STPG2: variants seen among roughly 807,000 people sequenced by gnomAD.
STPG2 encodes the protein sperm tail PG-rich repeat containing 2.
Under a neutral mutation model 54.2 loss-of-function variants are expected in STPG2, and 56 were observed. The ratio of observed to expected loss-of-function variants is 1.03; its 90% CI spans 0.83 to 1.29. STPG2 has a LOEUF of 1.29. STPG2 is among the 50% of genes most tolerant of loss of function. The probability of loss-of-function intolerance (pLI) is 0.00; values close to 1 mark genes in which losing one functional copy is unlikely to be tolerated. For missense variants in STPG2, 596 were observed against 544.9 expected, an observed-to-expected ratio of 1.09 and a Z score of -0.93; for synonymous variants, 200 against 181.8, an observed-to-expected ratio of 1.10 and a Z score of -0.81.
At chr4:98,066,897 T>C (rs1315532013) in intron 5 of STPG2, among the ~76,000 whole-genome samples, 2 of 152,234 alleles carry the variant, frequency 1.3e-5, no homozygotes, top group Non-Finnish European at 2.9e-5. Flanking sequence ...ATATCAGTTA[T>C]GGTTCTTTTT....
intron 10 of STPG2, among the ~76,000 whole-genome samples, chr4:97,613,802 T>G (rs1350055934): frequency 6.6e-6 from 1 of 151,998 alleles, no homozygotes; most frequent in African/African-American, 2.4e-5. Flanking sequence ...CCTTTTGAGG[T>G]TTTTTTCTAC....
intron 8 of STPG2, among the ~76,000 whole-genome samples, chr4:97,871,296 G>A (rs891434843): frequency 6.6e-6 from 1 of 150,914 alleles, no homozygotes; most frequent in Non-Finnish European, 1.5e-5. Context: ...AAAAGGGCAG[G>A]AATTTTGAAG....
intron 8 of STPG2, among the ~76,000 whole-genome samples, chr4:97,911,719 C>T (rs866502575): frequency 6.6e-6 from 1 of 152,154 alleles, no homozygotes; most frequent in Non-Finnish European, 1.5e-5. Flanking sequence ...TGGGGAGAAG[C>T]GACAAAGGTC....
intron 10 of STPG2, among the ~76,000 whole-genome samples, chr4:97,583,790 T>C (rs1209477051): frequency 2.0e-5 from 3 of 151,896 alleles, no homozygotes; most frequent in Non-Finnish European, 4.4e-5. Context: ...AGAAACATCA[T>C]ACAATGATAA....
At chr4:98,068,108 T>A (rs1244011312) in intron 5 of STPG2, among the ~76,000 whole-genome samples, 1 of 152,120 alleles carries the variant, frequency 6.6e-6, no homozygotes, top group Non-Finnish European at 1.5e-5. Context: ...TCAAGTAACA[T>A]CCAGGCTGTG....
chr4:97,868,739 A>G (rs1405245970), intron 8 of STPG2, among the ~76,000 whole-genome samples: 2 of 151,832 alleles, frequency 1.3e-5, no homozygotes, highest in Non-Finnish European at 2.9e-5. Flanking sequence ...GTTAGAATGT[A>G]TATCTGAGAT....
chr4:97,878,720 ATGCCC>A (rs1233334779), intron 8 of STPG2, among the ~76,000 whole-genome samples: 2 of 152,216 alleles, frequency 1.3e-5, no homozygotes, highest in Non-Finnish European at 2.9e-5. Flanking sequence ...GACCTCTGAC[ATGCCC>A]TGAAGACATT....
chr4:97,554,260 C>T (rs116281049), downstream of STPG2, among the ~76,000 whole-genome samples: 440 of 152,220 alleles, frequency 2.9e-3, 3 homozygotes, highest in African/African-American at 9.9e-3. Context: ...TGGCATCTAC[C>T]AGTACAAATC....
intron 8 of STPG2, among the ~76,000 whole-genome samples, chr4:97,921,619 A>C (rs910865047): frequency 6.6e-6 from 1 of 152,020 alleles, no homozygotes; most frequent in African/African-American, 2.4e-5. Flanking sequence ...AAAGCAAAAA[A>C]CCTACAAGAC....
chr4:98,125,730 T>C (rs1739810699), intron 3 of STPG2, among the ~76,000 whole-genome samples: 1 of 152,142 alleles, frequency 6.6e-6, no homozygotes, highest in Admixed American at 6.5e-5. Flanking sequence ...ATCCCCCTTG[T>C]CTAGACTGTC....
rs77452227 is a variant in STPG2, at chr4:97,841,083, T to C, written c.1045-151A>G. ...TAAAAATAGAAACTTAAAAAGGAAT[T>C]CTTAAATCTAGCCTGCCTAATAAAA... is the stretch of plus-strand genomic sequence containing the variant. On this transcript the variant is annotated intron_variant, in intron 8 of 10. Coordinates refer to ENST00000295268, the MANE Select transcript of STPG2 (RefSeq NM_174952.3). 1,914 of 811,442 alleles carry C rather than the reference T, an allele frequency of 2.4e-3. 46 individuals are homozygous for C. The East Asian group carries it at 0.052, about 22-fold the overall frequency. The allele number at this position is 811,442 out of a possible 1,614,324, so 50.3% of individuals were successfully genotyped here. A position where few individuals can be genotyped will look rare whatever the true frequency, so the allele number is the denominator to read the frequency against.
At chr4:97,641,355 TTATAA>T (rs1721758473) in intron 10 of STPG2, among the ~76,000 whole-genome samples, 1 of 151,542 alleles carries the variant, frequency 6.6e-6, no homozygotes, top group African/African-American at 2.4e-5. Context: ...ATAATTCTAC[TTATAA>T]TATGCATTAA....
chr4:97,895,763 C>T (rs571603621), intron 8 of STPG2, among the ~76,000 whole-genome samples: 5 of 151,880 alleles, frequency 3.3e-5, no homozygotes, highest in South Asian at 4.1e-4. Context: ...CAGTAAGTTA[C>T]GGGCTCATGT....
chr4:97,698,683 C>T (rs868709861), intron 10 of STPG2, among the ~76,000 whole-genome samples: 1 of 152,084 alleles, frequency 6.6e-6, no homozygotes, highest in Non-Finnish European at 1.5e-5. Flanking sequence ...GAAACAATGC[C>T]ATATATTGGA....
intron 4 of STPG2, among the ~76,000 whole-genome samples, chr4:97,496,341 A>T (rs1381081873): frequency 6.6e-6 from 1 of 151,722 alleles, no homozygotes; most frequent in African/African-American, 2.4e-5. Context: ...CCCTAGGCAG[A>T]CAAAATAGAG....
chr4:97,995,136 G>A (rs772941391), intron 5 of STPG2, among the ~76,000 whole-genome samples: 38 of 151,070 alleles, frequency 2.5e-4, no homozygotes, highest in East Asian at 9.7e-4. Context: ...CCTGCACCCC[G>A]AAAGGCCAGT....
intron 4 of STPG2, among the ~76,000 whole-genome samples, chr4:97,540,555 A>C (rs543277156): frequency 3.9e-5 from 6 of 152,194 alleles, no homozygotes; most frequent in Non-Finnish European, 7.3e-5. Context: ...TACAAGGAGG[A>C]GCTGGTACCA....
chr4:97,849,778 C>A (rs1729091703), intron 8 of STPG2, among the ~76,000 whole-genome samples: 2 of 151,618 alleles, frequency 1.3e-5, no homozygotes, highest in South Asian at 4.2e-4. Flanking sequence ...ACAACAGGTG[C>A]TGGAGAGGAT....
chr4:97,646,259 G>A lies in STPG2; in HGVS notation c.1320+66440C>T, dbSNP rs78385912. 6.3e-3 allele frequency among the ~76,000 whole-genome samples: 957 copies of A among 152,222 alleles called. 28 individuals carry two copies. In the East Asian group the frequency reaches 0.097, roughly 15 times the overall value. On this transcript the variant is annotated intron_variant, in intron 10 of 10. Transcript: ENST00000295268. ...GCACACAGTGCAAGGCTATATGCAG[G>A]AAAGTAGGATTTATTATAAGAAAAT...
Sources: allele counts gnomAD v4.1 joint callset (sites outside exome capture counted in the v4.1 genomes callset), GRCh38; gene constraint gnomAD v4.1.1; transcripts MANE v1.5; gene names NCBI Gene and HGNC (gene_info 2026-07-23, HGNC 2026-07-21).